Variants in PALLD observed in about 807,000 individuals in gnomAD.
PALLD encodes the protein palladin.
PALLD carries 61 observed loss-of-function variants against 123.5 expected under a neutral mutation model. That is an observed-to-expected ratio of 0.49 (90% confidence interval 0.40 to 0.61). The LOEUF is 0.61. Ranked by LOEUF, PALLD falls within the 20% of genes least tolerant of loss-of-function variation. PALLD has a pLI of 0.00. For missense variants in PALLD, 1,273 were observed against 1,377.0 expected (o/e 0.92, Z 1.20); for synonymous variants, 465 against 496.4 (o/e 0.94, Z 0.84).
At chr4:168,912,471 A>G (rs560103862) in intron 15 of PALLD, among the ~76,000 whole-genome samples, 1 of 152,340 alleles carries the variant, frequency 6.6e-6, no homozygotes, top group Non-Finnish European at 1.5e-5. Flanking sequence ...AAACAAATTA[A>G]GAGAAAGGGC....
intron 2 of PALLD, among the ~76,000 whole-genome samples, chr4:168,666,007 C>T (rs551113439): frequency 6.6e-6 from 1 of 151,874 alleles, no homozygotes; most frequent in East Asian, 1.9e-4. Context: ...TTAAGGACTC[C>T]GAAATGTGAA....
intron 10 of PALLD, among the ~76,000 whole-genome samples, chr4:168,733,830 G>C (rs547817628): frequency 4.7e-4 from 72 of 152,274 alleles, no homozygotes; most frequent in African/African-American, 1.7e-3. Flanking sequence ...CGCCTCCCAG[G>C]TTCATGCCAT....
At chr4:168,848,954 TAC>T (rs1055398531) in intron 10 of PALLD, among the ~76,000 whole-genome samples, 9 of 152,200 alleles carry the variant, frequency 5.9e-5, no homozygotes, top group Admixed American at 2.0e-4. Flanking sequence ...GAGTACTAAC[TAC>T]AGTCAGTAAA....
At chr4:168,683,134 G>A (rs1781717497) in intron 5 of PALLD, 31 bp downstream of exon 5, 2 of 1,265,652 alleles carry the variant, frequency 1.6e-6, no homozygotes, top group South Asian at 1.2e-5. Context: ...AGCCCATAAG[G>A]GGTCGAACTC....
At position 168,671,541 on chromosome 4, in the gene PALLD, G is replaced by A. The variant is rs182374308; in HGVS notation, c.1087+3173G>A. On this transcript the variant is annotated intron_variant, in intron 3 of 21. Coordinates refer to ENST00000505667, the MANE Select transcript of PALLD (RefSeq NM_001166108.2). ...AGAGTAAGGAAACTGGACATAGCAA[G>A]AATGAAGAGGTGTGAAGATTCAGTC... 3.6e-3 allele frequency among the ~76,000 whole-genome samples: 543 copies of A among 152,312 alleles called. 10 individuals are homozygous for A. Among genetic ancestry groups the A allele is most frequent in the Middle Eastern group, 3.4e-3 (1 of 294 alleles).
At chr4:168,643,345 A>G (rs955679932) in intron 2 of PALLD, among the ~76,000 whole-genome samples, 3 of 152,214 alleles carry the variant, frequency 2.0e-5, no homozygotes, top group Non-Finnish European at 2.9e-5. Flanking sequence ...TATTTCAGTT[A>G]CAAGGAACTT....
chr4:168,704,400 G>C (rs151083643), intron 8 of PALLD, among the ~76,000 whole-genome samples: 151 of 152,200 alleles, frequency 9.9e-4, no homozygotes, highest in African/African-American at 3.3e-3. Context: ...GACTGGACGC[G>C]GTGGCTCACG....
chr4:168,593,163 AT>A (rs1212656337), intron 2 of PALLD, among the ~76,000 whole-genome samples: 5 of 152,100 alleles, frequency 3.3e-5, no homozygotes, highest in Non-Finnish European at 7.4e-5. Context: ...TCATGATGAT[AT>A]TCTTTTAAAT....
chr4:168,737,156 C>G (rs1450815581), intron 10 of PALLD, among the ~76,000 whole-genome samples: 2 of 152,222 alleles, frequency 1.3e-5, no homozygotes, highest in East Asian at 3.9e-4. Context: ...TTTAATCTGA[C>G]CTACAAAACA....
intron 8 of PALLD, among the ~76,000 whole-genome samples, chr4:168,708,463 G>C (rs1784423872): frequency 6.6e-6 from 1 of 152,132 alleles, no homozygotes; most frequent in African/African-American, 2.4e-5. Flanking sequence ...TCAAGCCCTG[G>C]CAGCTGTTTC....
At chr4:168,650,860 A>C (rs963744315) in intron 2 of PALLD, among the ~76,000 whole-genome samples, 1 of 152,110 alleles carries the variant, frequency 6.6e-6, no homozygotes. Flanking sequence ...ACCAAGTATA[A>C]TAGTACTTTC....
At chr4:168,601,044 A>G (rs1274791840) in intron 2 of PALLD, among the ~76,000 whole-genome samples, 3 of 151,842 alleles carry the variant, frequency 2.0e-5, no homozygotes, top group East Asian at 3.9e-4. Flanking sequence ...ATTTATTGCT[A>G]TTTCCTTGTG....
intron 10 of PALLD, among the ~76,000 whole-genome samples, chr4:168,762,974 A>G (rs954822193): frequency 1.3e-5 from 2 of 152,194 alleles, no homozygotes; most frequent in Non-Finnish European, 2.9e-5. Flanking sequence ...GAGTTGAACA[A>G]TGAGAACACA....
intron 2 of PALLD, among the ~76,000 whole-genome samples, chr4:168,605,777 T>C (rs933530656): frequency 2.0e-5 from 3 of 152,228 alleles, no homozygotes; most frequent in African/African-American, 7.2e-5. Context: ...AGACATAAAA[T>C]GGTTTTCTTC....
chr4:168,514,209 C>T (rs2149435197), intron 2 of PALLD, among the ~76,000 whole-genome samples: 1 of 152,212 alleles, frequency 6.6e-6, no homozygotes. Flanking sequence ...AACACTGGTA[C>T]TTTCTTACTA....
chr4:168,640,936 C>T (rs990034153), intron 2 of PALLD, among the ~76,000 whole-genome samples: 1 of 152,004 alleles, frequency 6.6e-6, no homozygotes, highest in Admixed American at 6.5e-5. Context: ...AGGCCGGGCA[C>T]GGTGGCCTAC....
At chr4:168,645,104 A>C (rs1424412113) in intron 2 of PALLD, among the ~76,000 whole-genome samples, 3 of 152,122 alleles carry the variant, frequency 2.0e-5, no homozygotes, top group African/African-American at 4.8e-5. Context: ...TCTCAAAAAA[A>C]AAAAAAAAGG....
intron 2 of PALLD, among the ~76,000 whole-genome samples, chr4:168,569,684 G>T (rs1768777121): frequency 6.6e-6 from 1 of 152,164 alleles, no homozygotes. Context: ...TGTAATGAAT[G>T]AATCAGGATT....
At chr4:168,577,559 T>C (rs1769756103) in intron 2 of PALLD, among the ~76,000 whole-genome samples, 1 of 152,322 alleles carries the variant, frequency 6.6e-6, no homozygotes, top group Non-Finnish European at 1.5e-5. Flanking sequence ...GGATTTAAAA[T>C]ATATCAAAAG....
Sources: allele counts gnomAD v4.1 joint callset (sites outside exome capture counted in the v4.1 genomes callset), GRCh38; gene constraint gnomAD v4.1.1; transcripts MANE v1.5; gene names NCBI Gene and HGNC (gene_info 2026-07-23, HGNC 2026-07-21).